TADA2A: variants seen among roughly 807,000 people sequenced by gnomAD.
TADA2A encodes the protein transcriptional adapter 2-alpha.
TADA2A carries 38 observed loss-of-function variants against 67.4 expected under a neutral mutation model. That is an observed-to-expected ratio of 0.56 (90% CI 0.44 to 0.74). TADA2A has a LOEUF of 0.74. Ranked by LOEUF, TADA2A falls within the 30% of genes least tolerant of loss-of-function variation. TADA2A has a pLI of 0.00. For missense variants in TADA2A, 454 were observed against 547.0 expected (o/e 0.83, Z 1.70); for synonymous variants, 192 against 181.6 (o/e 1.06, Z -0.46).
At chr17:37,446,928 G>A (rs989271999) in intron 8 of TADA2A, among the ~76,000 whole-genome samples, 5 of 152,172 alleles carry the variant, frequency 3.3e-5, no homozygotes, top group Admixed American at 2.0e-4. Flanking sequence ...AGAAACAGAA[G>A]CAACTGATTG....
intron 8 of TADA2A, among the ~76,000 whole-genome samples, chr17:37,456,579 T>A (rs542324713): frequency 3.9e-5 from 6 of 152,286 alleles, no homozygotes; most frequent in Non-Finnish European, 7.4e-5. Flanking sequence ...CCAGATTGAG[T>A]TCTGTCTTGG....
chr17:37,432,124 A>T (rs1308542230), intron 4 of TADA2A, among the ~76,000 whole-genome samples: 1 of 151,364 alleles, frequency 6.6e-6, no homozygotes, highest in Non-Finnish European at 1.5e-5. Context: ...CTGTATGTAC[A>T]CTTCTGTTGT....
At position 37,470,471 on chromosome 17, in the gene TADA2A, G is replaced by A; in HGVS notation, c.967G>A (p.Val323Ile). The change falls in exon 13 of 16, where the codon GTT (valine) becomes ATT (isoleucine). Residue 323 changes from valine (V) to isoleucine (I), a missense_variant. Val to Ile is a conservative substitution (Grantham distance 29, BLOSUM62 3). Coordinates refer to ENST00000615182, the MANE Select transcript of TADA2A (RefSeq NM_001166105.3). The stretch of plus-strand genomic sequence containing the variant: ...CCTTAAACGCACTATGCTCTCAGAA[G>A]TTCTCCAGTATATCCAGGACAGTAG... ...ERLKRTMLSE[V>I]LQYIQDSSAC... 1 of 1,612,500 alleles carries A rather than the reference G, an allele frequency of 6.2e-7. No individual in the cohort carries two copies.
chr17:37,474,710 T>A, intron 15 of TADA2A, 81 bp downstream of exon 15: 1 of 1,432,274 alleles, frequency 7.0e-7, no homozygotes, highest in Non-Finnish European at 9.6e-7. Flanking sequence ...CATTACAGGG[T>A]CAAACCCCTT....
chr17:37,459,327 G>C (rs1361648228), intron 9 of TADA2A, among the ~76,000 whole-genome samples: 1 of 150,862 alleles, frequency 6.6e-6, no homozygotes, highest in African/African-American at 2.4e-5. Context: ...CTGTCACCCA[G>C]GATGGAGTGC....
At chr17:37,467,259 G>A (rs1194738990) in intron 11 of TADA2A, among the ~76,000 whole-genome samples, 195 bp from the exon 12 acceptor site, 2 of 152,244 alleles carry the variant, frequency 1.3e-5, no homozygotes, top group South Asian at 2.1e-4. Context: ...ACAGCAGCTG[G>A]AAGATAGCTG....
intron 8 of TADA2A, 24 bp from the exon 9 acceptor site, chr17:37,458,485 TGATATGTATATATAG>T (rs1453045549): frequency 7.9e-7 from 1 of 1,266,758 alleles, no homozygotes; most frequent in Non-Finnish European, 1.1e-6. Flanking sequence ...AATATATATA[TGATATGTATATATAG>T]TATATGTATG....
At chr17:37,413,177 T>A (rs1325960832) in intron 2 of TADA2A, among the ~76,000 whole-genome samples, 2 of 152,196 alleles carry the variant, frequency 1.3e-5, no homozygotes, top group African/African-American at 2.4e-5. Flanking sequence ...TCCACCAGCC[T>A]TGGCCTCCCA....
intron 2 of TADA2A, among the ~76,000 whole-genome samples, chr17:37,422,479 C>CTGATTATTATTATTA (rs2052269291): frequency 1.3e-5 from 1 of 76,758 alleles, no homozygotes; most frequent in Non-Finnish European, 2.7e-5. Context: ...CCATGCCCAG[C>CTGATTATTATTATTA]TGATTATTAT....
intron 9 of TADA2A, 129 bp downstream of exon 9, chr17:37,458,716 G>A: frequency 1.4e-6 from 1 of 699,744 alleles, no homozygotes; most frequent in Non-Finnish European, 2.3e-6. Flanking sequence ...TCACTCTGTT[G>A]CCCAGGCTGG....
intron 2 of TADA2A, among the ~76,000 whole-genome samples, chr17:37,416,514 T>C (rs1442265444): frequency 6.6e-6 from 1 of 152,222 alleles, no homozygotes; most frequent in East Asian, 1.9e-4. Context: ...GTTTTTTGTT[T>C]TCTTTTTATT....
At chr17:37,440,378 A>C in intron 5 of TADA2A, 127 bp from the exon 6 acceptor site, 1 of 1,087,806 alleles carries the variant, frequency 9.2e-7, no homozygotes, top group South Asian at 1.8e-5. Context: ...TATCTTTTTG[A>C]TATCAATTTG....
rs188787911 is a variant in TADA2A at position 37,424,808 on chromosome 17, G to A, written c.132+1193G>A. Among the ~76,000 whole-genome samples, 18 of 152,096 alleles carry A rather than the reference G, an allele frequency of 1.2e-4. No homozygotes were observed. In the East Asian group the frequency reaches 2.7e-3, roughly 23 times the overall value. On this transcript the variant is annotated intron_variant, in intron 3 of 15. Coordinates refer to ENST00000615182, the MANE Select transcript of TADA2A (RefSeq NM_001166105.3). ...AGACCTCAGGTGATCTGCCTGCCTC[G>A]GTCTCCCAAAGTGCTGGGATTACAG...
At chr17:37,458,663 GTGT>G in intron 9 of TADA2A, 76 bp downstream of exon 9, 1 of 1,222,166 alleles carries the variant, frequency 8.2e-7, no homozygotes, top group Non-Finnish European at 1.2e-6. Flanking sequence ...GTGTGTGTGT[GTGT>G]GTGTGTGTCT....
chr17:37,442,607 T>C lies in TADA2A; in HGVS notation c.486T>C (p.Ser162=). ...PPRPTFDSLL[S]RDMAGYMPAR... is the part of the protein sequence containing the mutation. ...GACCTACCTTTGACTCCTTGCTTTC[T>C]CGGGACATGGCCGGGTACATGCCAG... is the stretch of plus-strand genomic sequence containing the variant. The change falls in exon 7 of 16, where the codon TCT becomes TCC. Residue 162 remains serine, a synonymous_variant. Coordinates refer to ENST00000615182, the MANE Select transcript of TADA2A (RefSeq NM_001166105.3). 6.2e-7 allele frequency: 1 copy of C among 1,614,120 alleles called. No homozygotes were observed. The highest frequency in any genetic ancestry group is 8.5e-7 in the Non-Finnish European group (1 of 1,180,008).
chr17:37,444,919 T>G (rs755817248), intron 8 of TADA2A, 151 bp downstream of exon 8: 21 of 726,598 alleles, frequency 2.9e-5, no homozygotes, highest in Middle Eastern at 2.4e-4. Context: ...TACTGTGTTG[T>G]TGGATTTTGA....
intron 2 of TADA2A, among the ~76,000 whole-genome samples, chr17:37,415,310 T>C (rs1438968705): frequency 1.3e-5 from 2 of 152,186 alleles, no homozygotes; most frequent in Non-Finnish European, 2.9e-5. Flanking sequence ...GGAAATACTG[T>C]ATTAGTTGGT....
chr17:37,471,157 G>T lies in TADA2A; in HGVS notation c.1072+20G>T. 1 of 1,613,138 alleles carries T rather than the reference G, an allele frequency of 6.2e-7. No homozygotes were observed. The highest frequency in any genetic ancestry group is 8.5e-7 in the Non-Finnish European group (1 of 1,179,432). ...ATTCAGGTAATTATTTCTCAGGCCA[G>T]AACAAGTCTTAATTGTGAAGTTTGC... On this transcript the variant is annotated intron_variant, in intron 14 of 15. Transcript: ENST00000615182.
At chr17:37,476,172 T>C (rs960312023) in intron 15 of TADA2A, among the ~76,000 whole-genome samples, 2 of 152,192 alleles carry the variant, frequency 1.3e-5, no homozygotes, top group Non-Finnish European at 2.9e-5. Context: ...TTGAATGGCC[T>C]GGAATTTCAA....
Sources: allele counts gnomAD v4.1 joint callset (sites outside exome capture counted in the v4.1 genomes callset), GRCh38; gene constraint gnomAD v4.1.1; transcripts MANE v1.5; gene names NCBI Gene and HGNC (gene_info 2026-07-23, HGNC 2026-07-21).